Variants in DUOX1 observed in about 807,000 individuals in gnomAD.
DUOX1 encodes the protein dual oxidase 1.
DUOX1 carries 134 observed loss-of-function variants against 181.8 expected under a neutral mutation model. The observed-to-expected ratio is 0.74, with a 90% confidence interval of 0.64 to 0.85. The LOEUF (loss-of-function observed/expected upper bound fraction) is 0.85, where lower values mean the gene tolerates loss of function less well. Among genes scored for constraint, DUOX1 ranks in the 40% least tolerant of loss-of-function variants. The probability of loss-of-function intolerance (pLI) is 0.00; values close to 1 mark genes in which losing one functional copy is unlikely to be tolerated. For synonymous variants in DUOX1, 798 were observed against 832.5 expected (o/e 0.96, Z 0.71); for missense variants, 1,814 against 2,064.4 (o/e 0.88, Z 2.35).
At position 45,153,219 on chromosome 15, in the gene DUOX1, TAAAAAAAAAAAA is replaced by T. The variant is rs71114313; in HGVS notation, c.3425-146_3425-135del. 556 of 200,448 alleles carry T rather than the reference TAAAAAAAAAAAA, an allele frequency of 2.8e-3. 2 individuals are homozygous for T. Among genetic ancestry groups the T allele is most frequent in the African/African-American group, 0.026 (522 of 20,114 alleles). The allele number at this position is 200,448 out of a possible 1,614,324, so 12.4% of individuals were successfully genotyped here. A position where few individuals can be genotyped will look rare whatever the true frequency, so the allele number is the denominator to read the frequency against. On this transcript the variant is annotated intron_variant, in intron 25 of 33. Transcript: ENST00000389037. ...CTGGGTGACAGAGTGAGACTCCATC[TAAAAAAAAAAAA>T]AAAAAAAAAAAAAAGAGGTCAGAAG...
At chr15:45,146,631 C>A (rs757272214) in intron 18 of DUOX1, among the ~76,000 whole-genome samples, 1 of 152,218 alleles carries the variant, frequency 6.6e-6, no homozygotes, top group African/African-American at 2.4e-5. Context: ...TGCATGAGGT[C>A]ATTCAGCAAG....
At chr15:45,148,099 T>C in intron 20 of DUOX1, 102 bp downstream of exon 20, 2 of 1,421,422 alleles carry the variant, frequency 1.4e-6, no homozygotes, top group South Asian at 1.2e-5. Flanking sequence ...GAAGGAAGCC[T>C]CCTCCTTACC....
Position 45,141,987 on chromosome 15 carries a change from C to A in DUOX1, c.1697C>A (p.Pro566Gln). ...TCTGCCTTCCCAGGAGACCCCTGTC[C>A]GCAGCCGAGACAGCTCAGCACTGAA... ...VFVWHKGDPC[P>Q]QPRQLSTEGL... Residue 566 changes from proline to glutamine, a missense_variant, in exon 15 of 34, where the codon CCG (proline) becomes CAG (glutamine). Coordinates refer to ENST00000389037, the MANE Select transcript of DUOX1 (RefSeq NM_175940.3). 6.2e-7 allele frequency: 1 copy of A among 1,611,972 alleles called. No homozygotes were observed. The highest frequency in any genetic ancestry group is 8.5e-7 in the Non-Finnish European group (1 of 1,179,306).
Position 45,147,490 on chromosome 15 carries a change from G to A in DUOX1, c.2380G>A (p.Val794Met), listed in dbSNP as rs2141277617. Reference protein sequence around the residue: ...GTLPLDSSQKVREALTCELSR... With the variant: ...GTLPLDSSQKMREALTCELSR... Reference sequence around the variant, plus strand: ...CCTGCCCCTGGACTCCTCCCAGAAGGTGCGGGAGGCCCTGACCTGTGAGCT... The same window carrying A: ...CCTGCCCCTGGACTCCTCCCAGAAGATGCGGGAGGCCCTGACCTGTGAGCT... Residue 794 changes from valine to methionine, a missense_variant, in exon 19 of 34, where the codon GTG becomes ATG. By Grantham distance (21) the Val-to-Met change is conservative. Around this residue, in one of 5 missense-constraint regions of DUOX1, gnomAD observed 1,064 missense variants for 1,152.9 expected, o/e 0.92. Transcript: ENST00000389037. The A allele has an allele frequency of 6.2e-7, 1 of 1,614,090 alleles. No individual in the cohort carries two copies. Among genetic ancestry groups the A allele is most frequent in the African/African-American group, 1.3e-5 (1 of 75,052 alleles).
At chr15:45,150,505 G>C in intron 21 of DUOX1, 127 bp from the exon 22 acceptor site, 1 of 843,596 alleles carries the variant, frequency 1.2e-6, no homozygotes, top group Non-Finnish European at 1.9e-6. Context: ...CCCGAAAGCA[G>C]GGCCTCCATT....
chr15:45,141,949 G>C, intron 14 of DUOX1, 26 bp from the exon 15 acceptor site: 2 of 1,597,510 alleles, frequency 1.3e-6, no homozygotes, highest in South Asian at 2.3e-5. Flanking sequence ...CAGCACCCAG[G>C]ACGCTGGCTT....
At chr15:45,145,711 T>G (rs528837904) in intron 18 of DUOX1, among the ~76,000 whole-genome samples, 2 of 152,242 alleles carry the variant, frequency 1.3e-5, no homozygotes, top group South Asian at 2.1e-4. Context: ...GGTCAGGGGT[T>G]TGAGACCAGC....
In DUOX1 at chr15:45,135,548, G is replaced by C; in HGVS notation, c.570G>C (p.Arg190=). ...GSSHSWSDAL[R]SFSRGQLASG... is the part of the protein sequence containing the mutation. ...CGCATTCCTGGAGCGACGCGCTGCGGAGCTTCTCCAGGGGACAGCTGGCGT... is the reference window on the plus strand; with the variant it reads ...CGCATTCCTGGAGCGACGCGCTGCGCAGCTTCTCCAGGGGACAGCTGGCGT... The change falls in exon 6 of 34, where the codon CGG becomes CGC. Residue 190 remains arginine (R), a synonymous_variant. Coordinates refer to ENST00000389037, the MANE Select transcript of DUOX1 (RefSeq NM_175940.3). 6.4e-7 allele frequency: 1 copy of C among 1,558,868 alleles called. No homozygotes were observed.
chr15:45,152,421 C>T lies in DUOX1; in HGVS notation c.3329C>T (p.Thr1110Ile). The T allele has an allele frequency of 6.2e-7, 1 of 1,614,230 alleles. No homozygotes were observed. Among genetic ancestry groups the T allele is most frequent in the African/African-American group, 1.3e-5 (1 of 75,058 alleles). ...ILLTMCRNLI[T>I]FLRETFLNRY... ...CTCACCATGTGCCGCAACCTCATCA[C>T]CTTCCTGCGAGAAACCTTCCTCAAC... Residue 1110 changes from threonine (T) to isoleucine (I), a missense_variant, in exon 25 of 34, where the codon ACC (threonine) becomes ATC (isoleucine). This residue lies in a region of DUOX1 where 1,064 missense variants were observed against 1,152.9 expected (regional missense o/e 0.92). Transcript: ENST00000389037.
At chr15:45,143,672 C>A (rs3784581) in intron 16 of DUOX1, among the ~76,000 whole-genome samples, 1 of 152,106 alleles carries the variant, frequency 6.6e-6, no homozygotes, top group Non-Finnish European at 1.5e-5. Context: ...GGTTCCACCA[C>A]CACTATGGGC....
chr15:45,136,569 C>T lies in DUOX1; in HGVS notation c.966C>T (p.Phe322=), dbSNP rs1342397231. 1.2e-6 allele frequency: 2 copies of T among 1,614,108 alleles called. No individual in the cohort carries two copies. Among genetic ancestry groups the T allele is most frequent in the Admixed American group, 1.7e-5 (1 of 60,030 alleles). The change falls in exon 9 of 34, where the codon TTC becomes TTT. Residue 322 remains phenylalanine, a synonymous_variant. Coordinates refer to ENST00000389037, the MANE Select transcript of DUOX1 (RefSeq NM_175940.3). ...PFLDPSISSE[F]VAASEQFLST... ...TGGACCCCAGCATCTCCTCAGAGTT[C>T]GTGGCGGCCTCTGAGCAGTTCCTGT... is the stretch of plus-strand genomic sequence containing the variant.
intron 13 of DUOX1, 78 bp from the exon 14 acceptor site, chr15:45,141,214 C>T (rs1896482554): frequency 1.2e-5 from 19 of 1,578,904 alleles, no homozygotes; most frequent in Non-Finnish European, 1.6e-5. Context: ...TCTTTTCTCA[C>T]CTGGGTCCTT....
chr15:45,150,708 A>T lies in DUOX1; in HGVS notation c.2888+7A>T. The T allele has an allele frequency of 6.2e-7, 1 of 1,613,618 alleles. No individual in the cohort carries two copies. The highest frequency in any genetic ancestry group is 8.5e-7 in the Non-Finnish European group (1 of 1,179,854). ...TCAGCCAGGATATGATCTGGTGAGCACCCATCTGGGAATGTCGGGGGGAGG... is the reference window on the plus strand; with the variant it reads ...TCAGCCAGGATATGATCTGGTGAGCTCCCATCTGGGAATGTCGGGGGGAGG... On this transcript the variant is annotated splice_region_variant and intron_variant, in intron 22 of 33. Transcript: ENST00000389037.
chr15:45,153,490 GCGAA>G lies in DUOX1; in HGVS notation c.3524+12_3524+15del. 6.7e-7 allele frequency: 1 copy of G among 1,500,878 alleles called. No homozygotes were observed. Among genetic ancestry groups the G allele is most frequent in the Non-Finnish European group, 9.3e-7 (1 of 1,080,994 alleles). The allele number at this position is 1,500,878 out of a possible 1,614,324, so 93.0% of individuals were successfully genotyped here. A position where few individuals can be genotyped will look rare whatever the true frequency, so the allele number is the denominator to read the frequency against. On this transcript the variant is annotated intron_variant, in intron 26 of 33. Coordinates refer to ENST00000389037, the MANE Select transcript of DUOX1 (RefSeq NM_175940.3). ...CTTCCATGATGATGGGTGAGTAAGT[GCGAA>G]TGTGTGTGTGTGTGTGTGTGTGTGT...
In DUOX1 at chr15:45,138,123, GGTCA is replaced by G. The variant is rs1204243550; in HGVS notation, c.1113+112_1113+115del. On this transcript the variant is annotated intron_variant, in intron 10 of 33. Transcript: ENST00000389037. ...GTGTGTGTGAGTGCATGGTGAAAGTGGTCAGTAAGGCTGACGCAGGTAGCTGGGA... is the reference window on the plus strand; with the variant it reads ...GTGTGTGTGAGTGCATGGTGAAAGTGGTAAGGCTGACGCAGGTAGCTGGGA... 10 of 774,456 alleles carry G rather than the reference GGTCA, an allele frequency of 1.3e-5. 1 individual carries two copies. The highest frequency in any genetic ancestry group is 6.4e-5 in the Admixed American group (2 of 31,464). The allele number at this position is 774,456 out of a possible 1,614,324, so 48.0% of individuals were successfully genotyped here.
rs766654356 is a variant in DUOX1 at position 45,135,948 on chromosome 15, G to C, written c.864G>C (p.Gln288His). ...GCAAGAGGGTCATCGCCACCTACCA[G>C]GTCAGCCGTCCGCGCCCCGCGACGT... is the stretch of plus-strand genomic sequence containing the variant. ...HARKRVIATY[Q>H]NIAVYEWLPS... is the part of the protein sequence containing the mutation. The change falls in exon 7 of 34, where the codon CAG (glutamine) becomes CAC (histidine). Residue 288 changes from glutamine to histidine, a missense_variant and splice_region_variant. Around this residue, in one of 5 missense-constraint regions of DUOX1, gnomAD observed 1,064 missense variants for 1,152.9 expected, o/e 0.92. Coordinates refer to ENST00000389037, the MANE Select transcript of DUOX1 (RefSeq NM_175940.3). The C allele has an allele frequency of 7.0e-6, 10 of 1,423,826 alleles. No individual in the cohort carries two copies. In the South Asian group the frequency reaches 1.3e-4, roughly 19 times the overall value. The allele number at this position is 1,423,826 out of a possible 1,614,324, so 88.2% of individuals were successfully genotyped here.
chr15:45,163,446 C>T, intron 31 of DUOX1, 86 bp from the exon 32 acceptor site: 1 of 1,568,348 alleles, frequency 6.4e-7, no homozygotes, highest in Non-Finnish European at 8.7e-7. Flanking sequence ...TAGCTGTGGT[C>T]AGAAGAGTTC....
intron 28 of DUOX1, among the ~76,000 whole-genome samples, chr15:45,157,001 C>T (rs1896983981): frequency 6.6e-6 from 1 of 152,236 alleles, no homozygotes; most frequent in East Asian, 1.9e-4. Flanking sequence ...AAGGCTCCAG[C>T]TGTTCCCTGC....
At chr15:45,136,161 C>A (rs1040156080) in intron 7 of DUOX1, among the ~76,000 whole-genome samples, 189 bp from the exon 8 acceptor site, 7 of 151,380 alleles carry the variant, frequency 4.6e-5, no homozygotes, top group African/African-American at 1.5e-4. Flanking sequence ...CACCTCCCCA[C>A]CCCCCACTCC....
Sources: gnomAD v4.1 joint callset for allele counts (sites outside exome capture counted in the v4.1 genomes callset) on GRCh38, gnomAD v4.1.1 for gene constraint, gnomAD v4.1.1 regional missense constraint, MANE v1.5 for transcripts, NCBI Gene and HGNC (gene_info 2026-07-23, HGNC 2026-07-21) for gene names.